Variants in AKAP6 observed in about 807,000 individuals in gnomAD.
AKAP6 encodes A-kinase anchoring protein 6, also known as A-kinase anchor protein 6.
A neutral mutation model predicts 188.5 loss-of-function variants in AKAP6; 58 were observed. The observed-to-expected ratio is 0.31, with a 90% CI of 0.25 to 0.38. The LOEUF is 0.38. Among genes scored for constraint, AKAP6 ranks in the 10% least tolerant of loss-of-function variants. The pLI is 1.00. For missense variants in AKAP6, 2,710 were observed against 2,740.0 expected, an observed-to-expected ratio of 0.99 and a Z score of 0.24; for synonymous variants, 989 against 998.6, an observed-to-expected ratio of 0.99 and a Z score of 0.18.
chr14:32,758,215 C>T (rs908203168), intron 11 of AKAP6, among the ~76,000 whole-genome samples: 13 of 152,058 alleles, frequency 8.5e-5, no homozygotes, highest in East Asian at 5.8e-4. Context: ...CTCCTTATTC[C>T]GAAGAGAAGA....
intron 11 of AKAP6, 34 bp downstream of exon 11, chr14:32,735,916 T>C: frequency 6.8e-7 from 1 of 1,471,306 alleles, no homozygotes; most frequent in Non-Finnish European, 9.3e-7. Flanking sequence ...GATAAAAAGC[T>C]CTTTTTATGG....
intron 9 of AKAP6, among the ~76,000 whole-genome samples, chr14:32,701,041 C>T (rs116500992): frequency 0.014 from 2,119 of 152,198 alleles, 56 homozygotes; most frequent in African/African-American, 0.049. Context: ...AGGTTAGTTA[C>T]TCATATGGCT....
intron 1 of AKAP6, among the ~76,000 whole-genome samples, chr14:32,405,726 TTTATAA>T (rs1293902769): frequency 1.3e-5 from 2 of 152,070 alleles, no homozygotes; most frequent in African/African-American, 2.4e-5. Flanking sequence ...ATCTGATGGT[TTTATAA>T]CCATCTAGCT....
At chr14:32,465,611 G>C (rs1878368015) in intron 2 of AKAP6, among the ~76,000 whole-genome samples, 1 of 152,112 alleles carries the variant, frequency 6.6e-6, no homozygotes, top group Non-Finnish European at 1.5e-5. Flanking sequence ...AGATATAAAT[G>C]TAAGACCTAA....
chr14:32,540,168 C>CTCTCTCTATA (rs1240063339), intron 3 of AKAP6, among the ~76,000 whole-genome samples: 44 of 60,900 alleles, frequency 7.2e-4, no homozygotes, highest in Admixed American at 5.2e-3. Flanking sequence ...CTCTCTCTCT[C>CTCTCTCTATA]TATATATATA....
At chr14:32,400,802 C>CA (rs1889065187) in intron 1 of AKAP6, among the ~76,000 whole-genome samples, 1 of 152,118 alleles carries the variant, frequency 6.6e-6, no homozygotes, top group South Asian at 2.1e-4. Flanking sequence ...TGCTGTGCTT[C>CA]AACTCTAGAG....
chr14:32,430,507 T>C (rs1890183072), intron 1 of AKAP6, among the ~76,000 whole-genome samples: 1 of 152,196 alleles, frequency 6.6e-6, no homozygotes, highest in African/African-American at 2.4e-5. Context: ...ACACGGTGAC[T>C]AAGCACTGTT....
intron 12 of AKAP6, among the ~76,000 whole-genome samples, chr14:32,803,564 T>A (rs1240715167): frequency 6.6e-6 from 1 of 152,222 alleles, no homozygotes; most frequent in Non-Finnish European, 1.5e-5. Context: ...AATTTCTTTC[T>A]GACTACTCTT....
At chr14:32,729,993 A>C (rs2031093896) in intron 9 of AKAP6, among the ~76,000 whole-genome samples, 1 of 152,144 alleles carries the variant, frequency 6.6e-6, no homozygotes, top group African/African-American at 2.4e-5. Context: ...TAGAGCTGGC[A>C]GTTGATTTTC....
intron 9 of AKAP6, among the ~76,000 whole-genome samples, chr14:32,705,060 C>T (rs1202244775): frequency 6.6e-6 from 1 of 152,152 alleles, no homozygotes; most frequent in African/African-American, 2.4e-5. Flanking sequence ...ACATTAAACT[C>T]ATTAACTTCC....
At chr14:32,414,863 A>G (rs1889607349) in intron 1 of AKAP6, among the ~76,000 whole-genome samples, 1 of 152,178 alleles carries the variant, frequency 6.6e-6, no homozygotes, top group South Asian at 2.1e-4. Context: ...TGAATAACTC[A>G]CCAGGCTAAT....
chr14:32,662,454 C>T (rs1488279743), intron 7 of AKAP6, among the ~76,000 whole-genome samples: 2 of 152,074 alleles, frequency 1.3e-5, no homozygotes, highest in Non-Finnish European at 2.9e-5. Flanking sequence ...TCTGAAGAAA[C>T]CAGATGAATC....
chr14:32,569,011 C>T (rs1435373064), intron 4 of AKAP6, among the ~76,000 whole-genome samples: 1 of 152,156 alleles, frequency 6.6e-6, no homozygotes, highest in Non-Finnish European at 1.5e-5. Flanking sequence ...AGATGAATCC[C>T]TTTCCCATCA....
intron 1 of AKAP6, among the ~76,000 whole-genome samples, chr14:32,349,683 A>G (rs1335254266): frequency 6.6e-6 from 1 of 152,194 alleles, no homozygotes; most frequent in Non-Finnish European, 1.5e-5. Context: ...TGCTCGATAT[A>G]CACTAACTCG....
intron 2 of AKAP6, among the ~76,000 whole-genome samples, chr14:32,498,404 T>C (rs181488622): frequency 6.6e-4 from 101 of 152,222 alleles, no homozygotes; most frequent in Middle Eastern, 3.4e-3. Flanking sequence ...ATTAAAATAA[T>C]CTTTAACACT....
intron 2 of AKAP6, among the ~76,000 whole-genome samples, chr14:32,530,728 G>A (rs542679890): frequency 6.6e-6 from 1 of 152,222 alleles, no homozygotes; most frequent in Admixed American, 6.5e-5. Flanking sequence ...TCTGTCTCTA[G>A]CTGGTGAAAA....
intron 4 of AKAP6, among the ~76,000 whole-genome samples, chr14:32,561,400 A>G (rs1883949450): frequency 6.6e-6 from 1 of 152,186 alleles, no homozygotes; most frequent in Non-Finnish European, 1.5e-5. Context: ...ATAAATATTA[A>G]TAAAGGAATA....
At chr14:32,792,599 A>G (rs1222722981) in intron 12 of AKAP6, among the ~76,000 whole-genome samples, 1 of 152,162 alleles carries the variant, frequency 6.6e-6, no homozygotes, top group Non-Finnish European at 1.5e-5. Flanking sequence ...TACTGTTTGA[A>G]TATCCTTTAT....
chr14:32,821,893 A>G lies in AKAP6; in HGVS notation c.4080A>G (p.Ser1360=). 1 of 1,613,944 alleles carries G rather than the reference A, an allele frequency of 6.2e-7. No individual in the cohort carries two copies. Among genetic ancestry groups the G allele is most frequent in the Non-Finnish European group, 8.5e-7 (1 of 1,179,940 alleles). Reference sequence around the variant, plus strand: ...ATGGAGGAGACATGAGCCAGAATTCAGGCAGTGAGAGTGGAATTGTCAGTG... The same window carrying G: ...ATGGAGGAGACATGAGCCAGAATTCGGGCAGTGAGAGTGGAATTGTCAGTG... ...ACHGGDMSQN[S]GSESGIVSEG... Residue 1360 remains serine (S), a synonymous_variant, in exon 13 of 14, where the codon TCA becomes TCG. Transcript: ENST00000280979.
Sources: gnomAD v4.1 joint callset for allele counts (sites outside exome capture counted in the v4.1 genomes callset) on GRCh38, gnomAD v4.1.1 for gene constraint, MANE v1.5 for transcripts, NCBI Gene and HGNC (gene_info 2026-07-23, HGNC 2026-07-21) for gene names.